Variants in POFUT1 observed in about 807,000 individuals in gnomAD.
The protein encoded by POFUT1 is protein O-fucosyltransferase 1, also known as GDP-fucose protein O-fucosyltransferase 1.
A neutral mutation model predicts 42.4 loss-of-function variants in POFUT1; 16 were observed. That is an observed-to-expected ratio of 0.38 (90% CI 0.26 to 0.57). The LOEUF (loss-of-function observed/expected upper bound fraction) is 0.57, where lower values mean the gene tolerates loss of function less well. Among genes scored for constraint, POFUT1 ranks in the 20% least tolerant of loss-of-function variants. POFUT1 has a pLI of 0.71. For missense variants in POFUT1, 470 were observed against 504.6 expected, an observed-to-expected ratio of 0.93 and a Z score of 0.66; for synonymous variants, 206 against 205.4, an observed-to-expected ratio of 1.00 and a Z score of -0.03.
At chr20:32,224,243 T>C (rs2047403790) in intron 4 of POFUT1, among the ~76,000 whole-genome samples, 1 of 151,882 alleles carries the variant, frequency 6.6e-6, no homozygotes, top group South Asian at 2.1e-4. Context: ...AATACAAAAA[T>C]TAGCCGGGCA....
intron 4 of POFUT1, among the ~76,000 whole-genome samples, chr20:32,221,124 C>T (rs544184641): frequency 2.0e-5 from 3 of 152,250 alleles, no homozygotes; most frequent in East Asian, 1.9e-4. Context: ...GGTCAAAACA[C>T]GCGGGTTTAT....
chr20:32,234,428 G>A, intron 6 of POFUT1, 45 bp from the exon 7 acceptor site: 1 of 1,531,796 alleles, frequency 6.5e-7, no homozygotes, highest in Non-Finnish European at 8.8e-7. Context: ...GCAGGCCTTG[G>A]CCTGTAGCCA....
At chr20:32,214,630 G>A (rs1391364437) in intron 2 of POFUT1, among the ~76,000 whole-genome samples, 1 of 152,204 alleles carries the variant, frequency 6.6e-6, no homozygotes, top group Non-Finnish European at 1.5e-5. Context: ...TACTAATGAG[G>A]TTAGACATCT....
chr20:32,234,637 C>T lies in POFUT1; in HGVS notation c.1143C>T (p.Pro381=), dbSNP rs866647676. ...RPSSFFGMDR[P]PKLRDEF is the part of the protein sequence containing the mutation. Reference sequence around the variant, plus strand: ...CTTCTTTCTTCGGCATGGACAGGCCCCCTAAGCTGCGGGACGAGTTCTGAT... The same window carrying T: ...CTTCTTTCTTCGGCATGGACAGGCCTCCTAAGCTGCGGGACGAGTTCTGAT... Residue 381 remains proline (P), a synonymous_variant, in exon 7 of 7, where the codon CCC becomes CCT. Coordinates refer to ENST00000375749, the MANE Select transcript of POFUT1 (RefSeq NM_015352.2). 1 of 1,611,556 alleles carries T rather than the reference C, an allele frequency of 6.2e-7. No homozygotes were observed. Among genetic ancestry groups the T allele is most frequent in the East Asian group, 2.2e-5 (1 of 44,842 alleles).
intron 4 of POFUT1, chr20:32,223,315 G>A (rs1260369834): frequency 4.1e-6 from 4 of 985,262 alleles, no homozygotes; most frequent in East Asian, 1.1e-4. Context: ...TCCAGACAGC[G>A]CTGTCTTACC....
rs753067707 is a variant in POFUT1 at position 32,237,858 on chromosome 20, A to AG, written c.*3199dup. 5.6e-6 allele frequency: 3 copies of AG among 534,080 alleles called. No homozygotes were observed. The Admixed American group carries it at 5.8e-5, about 10-fold the overall frequency. 33.1% of individuals were successfully genotyped at this position (534,080 alleles called of 1,614,324 possible). On this transcript the variant is annotated 3_prime_UTR_variant, in exon 7 of 7. Coordinates refer to ENST00000375749, the MANE Select transcript of POFUT1 (RefSeq NM_015352.2). ...AGTGCCCTCCTCTCCCAAGAGACAA[A>AG]GGCCATTGCATTGAAGGAGGTGGGA...
chr20:32,233,738 C>T (rs764335776), intron 6 of POFUT1, among the ~76,000 whole-genome samples: 1 of 152,108 alleles, frequency 6.6e-6, no homozygotes, highest in Admixed American at 6.5e-5. Context: ...GTAGATTGGA[C>T]GGACCTTGGG....
At chr20:32,228,190 C>T in intron 4 of POFUT1, 73 bp from the exon 5 acceptor site, 1 of 1,305,744 alleles carries the variant, frequency 7.7e-7, no homozygotes, top group South Asian at 1.4e-5. Flanking sequence ...GCAACACCAT[C>T]CTTTTTCCCG....
At chr20:32,227,948 G>T (rs1019088836) in intron 4 of POFUT1, among the ~76,000 whole-genome samples, 1 of 152,116 alleles carries the variant, frequency 6.6e-6, no homozygotes, top group Admixed American at 6.5e-5. Context: ...ATGAATTACT[G>T]CACCGCAGAT....
intron 6 of POFUT1, among the ~76,000 whole-genome samples, chr20:32,232,678 C>T (rs968431857): frequency 9.9e-5 from 15 of 152,078 alleles, no homozygotes; most frequent in Admixed American, 7.9e-4. Flanking sequence ...CTACCTACAA[C>T]CCCCAACTAC....
chr20:32,234,744 G>T lies in POFUT1; in HGVS notation c.*83G>T. ...TTCCAGCCAGGCCTGGCAGCCAGAGGTGCTCCGGGATTGCAAACTCCTCTT... is the reference window on the plus strand; with the variant it reads ...TTCCAGCCAGGCCTGGCAGCCAGAGTTGCTCCGGGATTGCAAACTCCTCTT... On this transcript the variant is annotated 3_prime_UTR_variant, in exon 7 of 7. Coordinates refer to ENST00000375749, the MANE Select transcript of POFUT1 (RefSeq NM_015352.2). 7.7e-7 allele frequency: 1 copy of T among 1,296,176 alleles called. No homozygotes were observed. The highest frequency in any genetic ancestry group is 2.8e-4 in the Middle Eastern group (1 of 3,604). The allele number at this position is 1,296,176 out of a possible 1,614,324, so 80.3% of individuals were successfully genotyped here. A position where few individuals can be genotyped will look rare whatever the true frequency, so the allele number is the denominator to read the frequency against.
Position 32,228,328 on chromosome 20 carries a change from A to G in POFUT1, c.608A>G (p.Glu203Gly). 1 of 1,613,976 alleles carries G rather than the reference A, an allele frequency of 6.2e-7. No homozygotes were observed. Among genetic ancestry groups the G allele is most frequent in the Non-Finnish European group, 8.5e-7 (1 of 1,179,852 alleles). Reference sequence around the variant, plus strand: ...GCCCCAGCCCAGTTCCCCGTCCTAGAGGAACACAGGCCACTACAGAAGTAC... The same window carrying G: ...GCCCCAGCCCAGTTCCCCGTCCTAGGGGAACACAGGCCACTACAGAAGTAC... ...PGAPAQFPVLEEHRPLQKYMV... is the reference protein window; with the variant it reads ...PGAPAQFPVLGEHRPLQKYMV... Residue 203 changes from glutamate to glycine, a missense_variant, in exon 5 of 7, where the codon GAG becomes GGG. Coordinates refer to ENST00000375749, the MANE Select transcript of POFUT1 (RefSeq NM_015352.2).
At chr20:32,212,818 G>A (rs2047336852) in intron 2 of POFUT1, among the ~76,000 whole-genome samples, 1 of 152,126 alleles carries the variant, frequency 6.6e-6, no homozygotes. Context: ...CCTGCCTCAA[G>A]TATTCTACCT....
At position 32,230,893 on chromosome 20, in the gene POFUT1, C is replaced by T. The variant is rs772476375; in HGVS notation, c.810C>T (p.Tyr270=). The change falls in exon 6 of 7, where the codon TAC becomes TAT. Residue 270 remains tyrosine (Y), a synonymous_variant. Coordinates refer to ENST00000375749, the MANE Select transcript of POFUT1 (RefSeq NM_015352.2). The stretch of plus-strand genomic sequence containing the variant: ...TGGCCTCTCCGCAGTGTGTGGGCTA[C>T]AGCCGCAGCACAGCGGCCCCCCTCA... The part of the protein sequence containing the change: ...HFMASPQCVG[Y]SRSTAAPLTM... The T allele has an allele frequency of 6.8e-6, 11 of 1,614,088 alleles. No individual in the cohort carries two copies. Among genetic ancestry groups the T allele is most frequent in the East Asian group, 4.5e-5 (2 of 44,886 alleles).
intron 1 of POFUT1, 140 bp downstream of exon 1, chr20:32,208,205 C>T: frequency 1.1e-6 from 1 of 872,958 alleles, no homozygotes; most frequent in South Asian, 1.6e-5. Flanking sequence ...CTTCTCCTCT[C>T]TGCCTTAGTT....
At chr20:32,220,566 A>G (rs1248301368) in intron 4 of POFUT1, among the ~76,000 whole-genome samples, 1 of 152,004 alleles carries the variant, frequency 6.6e-6, no homozygotes, top group Non-Finnish European at 1.5e-5. Context: ...ACATGCCAAA[A>G]CCCCATCTCT....
At chr20:32,224,872 C>T (rs920235431) in intron 4 of POFUT1, among the ~76,000 whole-genome samples, 1 of 152,170 alleles carries the variant, frequency 6.6e-6, no homozygotes, top group Non-Finnish European at 1.5e-5. Context: ...CTAATACAAC[C>T]ACATGATCCA....
chr20:32,207,896 C>A lies in POFUT1; in HGVS notation c.-46C>A. 6.7e-7 allele frequency: 1 copy of A among 1,497,590 alleles called. No homozygotes were observed. Among genetic ancestry groups the A allele is most frequent in the Non-Finnish European group, 8.8e-7 (1 of 1,132,688 alleles). 92.8% of individuals were successfully genotyped at this position (1,497,590 alleles called of 1,614,324 possible). On this transcript the variant is annotated 5_prime_UTR_variant, in exon 1 of 7. Transcript: ENST00000375749. Reference sequence around the variant, plus strand: ...GGGGCGGGCGCTCGCGTCCCTCCTTCCCTCCCCGACTGTGCGCCGCGGCTG... The same window carrying A: ...GGGGCGGGCGCTCGCGTCCCTCCTTACCTCCCCGACTGTGCGCCGCGGCTG...
At chr20:32,228,113 T>C (rs904639533) in intron 4 of POFUT1, 150 bp from the exon 5 acceptor site, 6 of 562,390 alleles carry the variant, frequency 1.1e-5, no homozygotes, top group Non-Finnish European at 1.9e-5. Context: ...AGCCCGTTGG[T>C]ATTTCACAAC....
Sources: allele counts gnomAD v4.1 joint callset (sites outside exome capture counted in the v4.1 genomes callset), GRCh38; gene constraint gnomAD v4.1.1; transcripts MANE v1.5; gene names NCBI Gene and HGNC (gene_info 2026-07-23, HGNC 2026-07-21).